Variants in ARID1B observed in about 807,000 individuals in gnomAD.
ARID1B encodes AT-rich interactive domain-containing protein 1B.
In ARID1B, 30 loss-of-function variants were observed where a neutral mutation model predicts 212.3. The observed-to-expected ratio is 0.14, with a 90% CI of 0.11 to 0.19. ARID1B has a LOEUF of 0.19. ARID1B is among the 10% of genes least tolerant of loss of function. The pLI, the probability that ARID1B is intolerant of heterozygous loss-of-function variation, is 1.00. For missense variants in ARID1B, 2,891 were observed against 3,204.0 expected (o/e 0.90, Z 2.36); for synonymous variants, 1,402 against 1,301.7 (o/e 1.08, Z -1.66).
chr6:156,791,895 T>C (rs1251446913), intron 1 of ARID1B, among the ~76,000 whole-genome samples: 1 of 152,248 alleles, frequency 6.6e-6, no homozygotes, highest in East Asian at 1.9e-4. Context: ...CTCTCCTCTT[T>C]CTCTTCCTTT....
intron 6 of ARID1B, among the ~76,000 whole-genome samples, chr6:157,111,529 C>T (rs908455154): frequency 2.0e-5 from 3 of 152,152 alleles, no homozygotes; most frequent in Non-Finnish European, 4.4e-5. Context: ...AAGTTCCTAC[C>T]TTGGCAGCTA....
intron 4 of ARID1B, among the ~76,000 whole-genome samples, chr6:157,019,945 GT>G (rs774214270): frequency 6.6e-6 from 1 of 152,304 alleles, no homozygotes. Flanking sequence ...CAGCCATTAT[GT>G]TTCTAGAGCT....
At chr6:157,107,351 A>G (rs1422307389) in intron 5 of ARID1B, among the ~76,000 whole-genome samples, 2 of 152,178 alleles carry the variant, frequency 1.3e-5, no homozygotes, top group African/African-American at 4.8e-5. Context: ...CTTCTCGGTA[A>G]TTGTATTATG....
At chr6:157,128,812 C>T (rs1472001887) in intron 6 of ARID1B, among the ~76,000 whole-genome samples, 1 of 152,116 alleles carries the variant, frequency 6.6e-6, no homozygotes, top group South Asian at 2.1e-4. Flanking sequence ...CTCTTGATAA[C>T]CAAAATAAAA....
intron 7 of ARID1B, among the ~76,000 whole-genome samples, chr6:157,144,643 A>AG (rs1476007204): frequency 1.3e-5 from 2 of 151,498 alleles, no homozygotes; most frequent in Non-Finnish European, 2.9e-5. Flanking sequence ...CTCACAGGGA[A>AG]AAGTCGTGAG....
At chr6:157,137,180 C>CA (rs1463700298) in intron 7 of ARID1B, among the ~76,000 whole-genome samples, 1 of 151,342 alleles carries the variant, frequency 6.6e-6, no homozygotes, top group Non-Finnish European at 1.5e-5. Flanking sequence ...GACCCTGTCG[C>CA]AAAAAATAAA....
chr6:156,951,120 A>G (rs1793552753), intron 4 of ARID1B, among the ~76,000 whole-genome samples: 2 of 152,180 alleles, frequency 1.3e-5, no homozygotes, highest in Non-Finnish European at 2.9e-5. Flanking sequence ...TTTTAAATAT[A>G]CCAGTGGCCA....
chr6:156,795,957 G>A (rs1390751769), intron 1 of ARID1B, among the ~76,000 whole-genome samples: 2 of 152,096 alleles, frequency 1.3e-5, no homozygotes, highest in Non-Finnish European at 2.9e-5. Flanking sequence ...GTCCTGCTGG[G>A]GTTCCTGCGC....
chr6:157,192,440 G>A (rs986693364), intron 15 of ARID1B, among the ~76,000 whole-genome samples: 2 of 152,100 alleles, frequency 1.3e-5, no homozygotes, highest in African/African-American at 4.8e-5. Context: ...CTAGGCCCTA[G>A]GTAGATATAT....
At chr6:156,934,689 C>T (rs962972533) in intron 3 of ARID1B, among the ~76,000 whole-genome samples, 8 of 151,506 alleles carry the variant, frequency 5.3e-5, no homozygotes, top group Non-Finnish European at 1.2e-4. Context: ...GTAAGGTTTT[C>T]GTTAGTTATT....
intron 4 of ARID1B, among the ~76,000 whole-genome samples, chr6:156,988,690 G>C (rs1778086744): frequency 1.3e-5 from 2 of 152,172 alleles, no homozygotes; most frequent in African/African-American, 4.8e-5. Flanking sequence ...AACACAGCTG[G>C]TTTGCCTGTG....
At chr6:156,898,346 TTGTGTGGGCAGTG>T (rs1429048544) in intron 2 of ARID1B, among the ~76,000 whole-genome samples, 2 of 152,148 alleles carry the variant, frequency 1.3e-5, no homozygotes, top group Non-Finnish European at 2.9e-5. Context: ...TGGGCCCTCC[TTGTGTGGGCAGTG>T]TGTGTGGGTG....
intron 4 of ARID1B, among the ~76,000 whole-genome samples, chr6:156,967,373 G>C (rs1392954857): frequency 6.6e-6 from 1 of 152,168 alleles, no homozygotes; most frequent in African/African-American, 2.4e-5. Flanking sequence ...CATAGGAAAT[G>C]TCATTAAATA....
chr6:157,172,477 A>T (rs1022021002), intron 9 of ARID1B, among the ~76,000 whole-genome samples: 3 of 152,224 alleles, frequency 2.0e-5, no homozygotes, highest in African/African-American at 7.2e-5. Flanking sequence ...GACTTCAAGG[A>T]CTGACTGGGC....
intron 3 of ARID1B, among the ~76,000 whole-genome samples, chr6:156,921,368 T>A (rs1427832357): frequency 6.6e-6 from 1 of 151,830 alleles, no homozygotes; most frequent in African/African-American, 2.4e-5. Flanking sequence ...ATCTTTATGT[T>A]TTTTCCCAAA....
chr6:156,985,391 G>A (rs575883135), intron 4 of ARID1B: 4 of 152,328 alleles, frequency 2.6e-5, no homozygotes, highest in Non-Finnish European at 5.9e-5. Context: ...CAGAGAAGGT[G>A]CTCATGTTTG....
At chr6:156,908,579 C>T (rs970603618) in intron 3 of ARID1B, among the ~76,000 whole-genome samples, 1 of 151,942 alleles carries the variant, frequency 6.6e-6, no homozygotes, top group African/African-American at 2.4e-5. Flanking sequence ...CCCCCCGCCC[C>T]CACTCAAGTG....
At chr6:156,961,984 A>G (rs1051885490) in intron 4 of ARID1B, among the ~76,000 whole-genome samples, 2 of 151,970 alleles carry the variant, frequency 1.3e-5, no homozygotes, top group Admixed American at 1.3e-4. Context: ...ATAATTTTAC[A>G]TATACACAAA....
intron 4 of ARID1B, among the ~76,000 whole-genome samples, chr6:156,947,571 A>C (rs1231556245): frequency 4.0e-5 from 6 of 151,300 alleles, no homozygotes. Context: ...TTTCTTGTAC[A>C]TTTGGATCCT....
Sources: allele counts gnomAD v4.1 joint callset (sites outside exome capture counted in the v4.1 genomes callset), GRCh38; gene constraint gnomAD v4.1.1; transcripts MANE v1.5; gene names NCBI Gene and HGNC (gene_info 2026-07-23, HGNC 2026-07-21).